ITGB3BP: variants seen among roughly 807,000 people sequenced by gnomAD.
ITGB3BP encodes the protein integrin subunit beta 3 binding protein.
Under a neutral mutation model 29.1 loss-of-function variants are expected in ITGB3BP, and 27 were observed. That is an observed-to-expected ratio of 0.93 (90% confidence interval 0.68 to 1.28). The LOEUF (loss-of-function observed/expected upper bound fraction) is 1.28, where lower values mean the gene tolerates loss of function less well. ITGB3BP is among the 50% of genes most tolerant of loss of function. The probability of loss-of-function intolerance (pLI) is 0.00; values close to 1 mark genes in which losing one functional copy is unlikely to be tolerated. For synonymous variants in ITGB3BP, 61 were observed against 61.4 expected (o/e 0.99, Z 0.03); for missense variants, 192 against 200.2 (o/e 0.96, Z 0.25).
At chr1:63,451,404 G>A (rs921893102) in intron 7 of ITGB3BP, among the ~76,000 whole-genome samples, 5 of 151,782 alleles carry the variant, frequency 3.3e-5, no homozygotes, top group Non-Finnish European at 5.9e-5. Flanking sequence ...ACAATTCTGT[G>A]TAATAGCATA....
rs140757051 is a variant in ITGB3BP, at chr1:63,485,600, T to C, written c.184+4483A>G. Reference sequence around the variant, plus strand: ...ATTGCTTTTTGCAATTCCACTCCTTTATCTGAGGTTCACTTTACCTCTTAG... The same window carrying C: ...ATTGCTTTTTGCAATTCCACTCCTTCATCTGAGGTTCACTTTACCTCTTAG... On this transcript the variant is annotated intron_variant, in intron 3 of 8. Coordinates refer to ENST00000271002, the MANE Select transcript of ITGB3BP (RefSeq NM_014288.5). Among the ~76,000 whole-genome samples, 9 of 152,242 alleles carry C rather than the reference T, an allele frequency of 5.9e-5. No individual in the cohort carries two copies. In the East Asian group the frequency reaches 1.7e-3, roughly 29 times the overall value.
In ITGB3BP at chr1:63,454,268, T is replaced by G; in HGVS notation, c.427+112A>C. The G allele has an allele frequency of 2.0e-6, 1 of 510,522 alleles. No homozygotes were observed. The highest frequency in any genetic ancestry group is 3.5e-6 in the Non-Finnish European group (1 of 287,372). The allele number at this position is 510,522 out of a possible 1,614,324, so 31.6% of individuals were successfully genotyped here. On this transcript the variant is annotated intron_variant, in intron 6 of 8. Transcript: ENST00000271002. The surrounding 1 kb of genome is among the most constrained non-coding windows in gnomAD (Gnocchi z 4.1). The stretch of plus-strand genomic sequence containing the variant: ...CTTATTTAAAGAAGGTAATAGTATT[T>G]TTATCACATGTCCAGTAATGGTATA...
At chr1:63,473,212 T>G (rs1231020354) in intron 4 of ITGB3BP, among the ~76,000 whole-genome samples, 1 of 148,532 alleles carries the variant, frequency 6.7e-6, no homozygotes, top group Non-Finnish European at 1.5e-5. Context: ...CCGCCCCGTC[T>G]GAGAAGTGAG....
Position 63,497,444 on chromosome 1 carries a change from A to G in ITGB3BP, c.49-7226T>C, listed in dbSNP as rs973757946. On this transcript the variant is annotated intron_variant, in intron 2 of 8. Coordinates refer to ENST00000271002, the MANE Select transcript of ITGB3BP (RefSeq NM_014288.5). Reference sequence around the variant, plus strand: ...GTTGCAGTAGTGATTGTAGAGTCATAGTAGCTAAAGAGAAAGGGAGTTTCA... The same window carrying G: ...GTTGCAGTAGTGATTGTAGAGTCATGGTAGCTAAAGAGAAAGGGAGTTTCA... Among the ~76,000 whole-genome samples, 3 of 152,358 alleles carry G rather than the reference A, an allele frequency of 2.0e-5. No homozygotes were observed. In the East Asian group the frequency reaches 5.8e-4, roughly 29 times the overall value.
At chr1:63,448,483 G>GA (rs960348102) in intron 7 of ITGB3BP, among the ~76,000 whole-genome samples, 2 of 151,936 alleles carry the variant, frequency 1.3e-5, no homozygotes, top group Admixed American at 6.6e-5. Flanking sequence ...TGAACTGGAG[G>GA]AAAAATCACC....
At chr1:63,475,417 G>T (rs1330240788) in intron 4 of ITGB3BP, among the ~76,000 whole-genome samples, 1 of 152,116 alleles carries the variant, frequency 6.6e-6, no homozygotes, top group African/African-American at 2.4e-5. Context: ...ATTAGCCAGG[G>T]GTAGTAACAT....
At chr1:63,520,505 T>G (rs1345441164) in intron 1 of ITGB3BP, among the ~76,000 whole-genome samples, 1 of 152,168 alleles carries the variant, frequency 6.6e-6, no homozygotes. Flanking sequence ...TTCATCTGTT[T>G]CCTCCAAAGG....
intron 7 of ITGB3BP, among the ~76,000 whole-genome samples, chr1:63,451,129 A>T (rs1465010162): frequency 6.6e-6 from 1 of 151,902 alleles, no homozygotes; most frequent in Admixed American, 6.6e-5. Flanking sequence ...GATAGCATAA[A>T]TATTGAAATT....
At chr1:63,505,377 T>C (rs1406204158) in intron 2 of ITGB3BP, among the ~76,000 whole-genome samples, 1 of 152,204 alleles carries the variant, frequency 6.6e-6, no homozygotes, top group African/African-American at 2.4e-5. Flanking sequence ...TCATTTTTTA[T>C]TGCATCTATT....
chr1:63,488,082 T>C (rs559362876), intron 3 of ITGB3BP, among the ~76,000 whole-genome samples: 6 of 152,230 alleles, frequency 3.9e-5, no homozygotes, highest in South Asian at 2.1e-4. Context: ...AAGGAAGACA[T>C]AGAACTAAAT....
chr1:63,474,544 T>C (rs879587788), intron 4 of ITGB3BP, among the ~76,000 whole-genome samples: 4,244 of 131,228 alleles, frequency 0.032, no homozygotes, highest in Non-Finnish European at 0.035. Context: ...CATTTTGTTC[T>C]GTACTAAGAA....
upstream of ITGB3BP, among the ~76,000 whole-genome samples, chr1:63,524,724 CTG>C (rs1646551247): frequency 6.6e-6 from 1 of 152,128 alleles, no homozygotes; most frequent in Non-Finnish European, 1.5e-5. Context: ...AAAGAAGAAA[CTG>C]TTCGTGAAAT....
chr1:63,497,347 T>A (rs1645812189), intron 2 of ITGB3BP, among the ~76,000 whole-genome samples: 1 of 152,132 alleles, frequency 6.6e-6, no homozygotes, highest in Admixed American at 6.5e-5. Context: ...CTTTTGAACA[T>A]TCTGGACTTA....
chr1:63,517,218 G>T (rs1001538648), intron 1 of ITGB3BP, among the ~76,000 whole-genome samples: 26 of 151,764 alleles, frequency 1.7e-4, no homozygotes, highest in African/African-American at 6.3e-4. Context: ...TGTTTGTTAG[G>T]ATTATGACAG....
intron 8 of ITGB3BP, chr1:63,442,607 A>T (rs2100458930): frequency 6.6e-6 from 1 of 152,302 alleles, no homozygotes; most frequent in African/African-American, 2.4e-5. Flanking sequence ...TTTCTGCTTT[A>T]AGGCAATCTA....
At chr1:63,472,122 A>G (rs1011680942) in intron 4 of ITGB3BP, among the ~76,000 whole-genome samples, 5 of 151,160 alleles carry the variant, frequency 3.3e-5, no homozygotes, top group Non-Finnish European at 5.9e-5. Flanking sequence ...AAAACTACTG[A>G]TATCAATAAA....
chr1:63,474,152 T>A (rs1570192815), intron 4 of ITGB3BP, among the ~76,000 whole-genome samples: 10 of 107,714 alleles, frequency 9.3e-5, no homozygotes, highest in Admixed American at 1.8e-4. Flanking sequence ...GGTGGGGGGG[T>A]CAGCCCCCCG....
chr1:63,491,099 C>T (rs187403667), intron 2 of ITGB3BP, among the ~76,000 whole-genome samples: 3 of 152,254 alleles, frequency 2.0e-5, no homozygotes, highest in Admixed American at 2.0e-4. Flanking sequence ...GGAACATCCT[C>T]TTTTTTATCT....
intron 4 of ITGB3BP, among the ~76,000 whole-genome samples, chr1:63,462,046 A>C (rs1270406370): frequency 6.6e-6 from 1 of 152,262 alleles, no homozygotes; most frequent in Non-Finnish European, 1.5e-5. Flanking sequence ...ATTACAGTGA[A>C]TCTGTAGATT....
Sources: gnomAD v4.1 joint callset for allele counts (sites outside exome capture counted in the v4.1 genomes callset) on GRCh38, gnomAD v4.1.1 for gene constraint, Gnocchi (gnomAD v3.1) non-coding constraint, MANE v1.5 for transcripts, NCBI Gene and HGNC (gene_info 2026-07-23, HGNC 2026-07-21) for gene names.